Variants in AP1B1 observed in about 807,000 individuals in gnomAD.
AP1B1 encodes AP-1 complex subunit beta-1.
A neutral mutation model predicts 104.3 loss-of-function variants in AP1B1; 36 were observed. That is an observed-to-expected ratio of 0.35 (90% CI 0.26 to 0.46). The LOEUF is 0.46. Among genes scored for constraint, AP1B1 ranks in the 20% least tolerant of loss-of-function variants. The pLI is 1.00. For missense variants in AP1B1, 901 were observed against 1,247.9 expected, an observed-to-expected ratio of 0.72 and a Z score of 4.19; for synonymous variants, 504 against 517.5, an observed-to-expected ratio of 0.97 and a Z score of 0.35.
intron 16 of AP1B1, among the ~76,000 whole-genome samples, chr22:29,337,623 G>C (rs1161422017): frequency 1.3e-5 from 2 of 152,188 alleles, no homozygotes; most frequent in South Asian, 4.1e-4. Flanking sequence ...GTGATGAGGG[G>C]ATCAGGCCTG....
chr22:29,349,221 T>C lies in AP1B1; in HGVS notation c.1434A>G (p.Thr478=), dbSNP rs759101019. 6.2e-7 allele frequency: 1 copy of C among 1,612,618 alleles called. No individual in the cohort carries two copies. Among genetic ancestry groups the C allele is most frequent in the African/African-American group, 1.3e-5 (1 of 74,942 alleles). Residue 478 remains threonine, a synonymous_variant, in exon 11 of 23, where the codon ACA becomes ACG. Coordinates refer to ENST00000357586, the MANE Select transcript of AP1B1 (RefSeq NM_001127.4). ...SFLEGFHDES[T]QVQLQLLTAI... is the part of the protein sequence containing the mutation. ...CCTGGCCAGCTCGCTGGCTCACCTG[T>C]GTGCTCTCGTCATGGAAGCCCTCGA...
At chr22:29,365,799 T>G (rs1315930011) in intron 2 of AP1B1, among the ~76,000 whole-genome samples, 1 of 151,210 alleles carries the variant, frequency 6.6e-6, no homozygotes, top group African/African-American at 2.4e-5. Context: ...CACTCACTCC[T>G]TCCCCTTCCT....
At chr22:29,378,072 T>C (rs987748459) in intron 1 of AP1B1, among the ~76,000 whole-genome samples, 22 of 151,994 alleles carry the variant, frequency 1.4e-4, no homozygotes, top group African/African-American at 5.1e-4. Context: ...GGGTAAAGGG[T>C]ATGTGAAATG....
chr22:29,331,866 G>T lies in AP1B1; in HGVS notation c.2360C>A (p.Pro787His), dbSNP rs1486785557. 1.2e-6 allele frequency: 2 copies of T among 1,613,386 alleles called. No homozygotes were observed. Among genetic ancestry groups the T allele is most frequent in the Non-Finnish European group, 1.7e-6 (2 of 1,179,658 alleles). The change falls in exon 18 of 23, where the codon CCC (proline) becomes CAC (histidine). Residue 787 changes from proline (P) to histidine (H), a missense_variant. This residue lies in a region of AP1B1 where 424 missense variants were observed against 494.0 expected (regional missense o/e 0.86). Coordinates refer to ENST00000357586, the MANE Select transcript of AP1B1 (RefSeq NM_001127.4). ...CAGGGAGATCTCCACTGTCTGGTTG[G>T]GGCTGAGTGGCGCGTGGACCTGGAG... ...APLQVHAPLS[P>H]NQTVEISLPL...
intron 1 of AP1B1, among the ~76,000 whole-genome samples, chr22:29,376,401 G>T (rs1369771609): frequency 6.6e-6 from 1 of 152,158 alleles, no homozygotes; most frequent in Non-Finnish European, 1.5e-5. Context: ...GGTGAGATGA[G>T]GCAGAGAAAA....
In AP1B1 at chr22:29,330,407, G is replaced by A. The variant is rs760486493; in HGVS notation, c.2737C>T (p.Arg913Trp). 16 of 1,613,534 alleles carry A rather than the reference G, an allele frequency of 9.9e-6. No homozygotes were observed. Among genetic ancestry groups the A allele is most frequent in the Middle Eastern group, 1.6e-4 (1 of 6,084 alleles). The change falls in exon 21 of 23, where the codon CGG (arginine) becomes TGG (tryptophan). Residue 913 changes from arginine to tryptophan, a missense_variant. Around this residue, in one of 3 missense-constraint regions of AP1B1, gnomAD observed 424 missense variants for 494.0 expected, o/e 0.86. Transcript: ENST00000357586. Reference protein sequence around the residue: ...TNGIWVLAELRIQPGNPSCTD... With the variant: ...TNGIWVLAELWIQPGNPSCTD... ...CAGCTGGGGTTGCCCGGCTGGATCCGCAGCTCCGCCAGCACCCAGATGCCG... is the reference window on the plus strand; with the variant it reads ...CAGCTGGGGTTGCCCGGCTGGATCCACAGCTCCGCCAGCACCCAGATGCCG...
At chr22:29,355,581 C>T (rs773060073) in intron 6 of AP1B1, among the ~76,000 whole-genome samples, 31 of 152,046 alleles carry the variant, frequency 2.0e-4, no homozygotes, top group Non-Finnish European at 3.7e-4. Context: ...TTTATAGAAT[C>T]AAGATGATGA....
intron 2 of AP1B1, among the ~76,000 whole-genome samples, chr22:29,365,815 C>T (rs2062126802): frequency 6.6e-6 from 1 of 151,444 alleles, no homozygotes; most frequent in African/African-American, 2.4e-5. Flanking sequence ...TTCCTATCCC[C>T]CATCGATCTG....
At chr22:29,353,188 G>A (rs1013936509) in intron 7 of AP1B1, among the ~76,000 whole-genome samples, 19 of 152,142 alleles carry the variant, frequency 1.2e-4, no homozygotes, top group African/African-American at 3.9e-4. Flanking sequence ...GAAAAGATAC[G>A]AGGACAGATG....
At chr22:29,335,762 G>C (rs578195509) in intron 16 of AP1B1, among the ~76,000 whole-genome samples, 1 of 152,280 alleles carries the variant, frequency 6.6e-6, no homozygotes, top group East Asian at 1.9e-4. Context: ...CCTCACACTG[G>C]CTGTTCCCTC....
In AP1B1 at chr22:29,369,395, G is replaced by A. The variant is rs941966175; in HGVS notation, c.-27-2125C>T. On this transcript the variant is annotated intron_variant, in intron 1 of 22. Transcript: ENST00000357586. ...CCTTAAATCCTTTGTGGATCCTGAA[G>A]GAATAAAGGAATAAAGGCTTCACTG... is the stretch of plus-strand genomic sequence containing the variant. Among the ~76,000 whole-genome samples the A allele has an allele frequency of 2.0e-5, 3 of 149,220 alleles. No individual in the cohort carries two copies. In the South Asian group the frequency reaches 6.2e-4, roughly 31 times the overall value.
At chr22:29,329,792 C>T (rs375989593) in intron 21 of AP1B1, 72 bp from the exon 22 acceptor site, 24 of 1,603,494 alleles carry the variant, frequency 1.5e-5, no homozygotes, top group Middle Eastern at 1.7e-4. Context: ...TTACCACCAC[C>T]GAAGCCACGC....
chr22:29,368,746 A>G (rs2062183122), intron 1 of AP1B1, among the ~76,000 whole-genome samples: 1 of 148,842 alleles, frequency 6.7e-6, no homozygotes, highest in African/African-American at 2.5e-5. Flanking sequence ...TAGTGGCTAA[A>G]GGATTCAGTC....
At chr22:29,337,901 T>G (rs1356859095) in intron 16 of AP1B1, among the ~76,000 whole-genome samples, 2 of 152,226 alleles carry the variant, frequency 1.3e-5, no homozygotes, top group Non-Finnish European at 2.9e-5. Context: ...GACGCAGCCA[T>G]CTTTCTCAAG....
chr22:29,371,592 G>A (rs1340741558), intron 1 of AP1B1, among the ~76,000 whole-genome samples: 1 of 152,166 alleles, frequency 6.6e-6, no homozygotes, highest in Non-Finnish European at 1.5e-5. Context: ...TTAGCCGGGT[G>A]TGGTGGCACG....
At chr22:29,349,048 T>G (rs1253497963) in intron 11 of AP1B1, among the ~76,000 whole-genome samples, 170 bp downstream of exon 11, 1 of 152,224 alleles carries the variant, frequency 6.6e-6, no homozygotes, top group Non-Finnish European at 1.5e-5. Context: ...CCGACTCGAC[T>G]GTACTGCAGT....
chr22:29,340,733 C>G lies in AP1B1; in HGVS notation c.1921G>C (p.Val641Leu). 1 of 1,595,044 alleles carries G rather than the reference C, an allele frequency of 6.3e-7. No homozygotes were observed. Among genetic ancestry groups the G allele is most frequent in the South Asian group, 1.1e-5 (1 of 87,344 alleles). ...DLLNLDLGPP[V>L]SGPPLATSSV... ...GAGGTGGCCAGGGGTGGGCCGCTCACTGGGGGGCCGAGGTCCAGGTTGAGG... is the reference window on the plus strand; with the variant it reads ...GAGGTGGCCAGGGGTGGGCCGCTCAGTGGGGGGCCGAGGTCCAGGTTGAGG... The change falls in exon 14 of 23, where the codon GTG becomes CTG. Residue 641 changes from valine to leucine, a missense_variant. Val to Leu is a conservative substitution (Grantham distance 32). Coordinates refer to ENST00000357586, the MANE Select transcript of AP1B1 (RefSeq NM_001127.4).
Position 29,328,853 on chromosome 22 carries a change from A to AC in AP1B1, c.2817dup (p.Tyr940ValfsTer55). 1 of 1,609,370 alleles carries AC rather than the reference A, an allele frequency of 6.2e-7. No homozygotes were observed. Among genetic ancestry groups the AC allele is most frequent in the Non-Finnish European group, 8.5e-7 (1 of 1,179,128 alleles). On this transcript the variant is annotated frameshift_variant, in exon 23 of 23. Transcript: ENST00000357586. LOFTEE classifies it high-confidence loss of function. The surrounding 1 kb of genome is among the most constrained non-coding windows in gnomAD (Gnocchi z 4.1). ...TTGAGGATGGTCTCGTAGGCCTGGTACACGTGCTGGGACACCTCTGGTGCT... is the reference window on the plus strand; with the variant it reads ...TTGAGGATGGTCTCGTAGGCCTGGTACCACGTGCTGGGACACCTCTGGTGCT...
At chr22:29,345,151 C>G (rs189177003) in intron 11 of AP1B1, among the ~76,000 whole-genome samples, 4 of 151,446 alleles carry the variant, frequency 2.6e-5, no homozygotes, top group African/African-American at 9.7e-5. Context: ...CTCAACTTCC[C>G]AGGCTCAAGC....
Sources: gnomAD v4.1 joint callset for allele counts (sites outside exome capture counted in the v4.1 genomes callset) on GRCh38, gnomAD v4.1.1 for gene constraint, gnomAD v4.1.1 regional missense constraint, Gnocchi (gnomAD v3.1) non-coding constraint, MANE v1.5 for transcripts, NCBI Gene and HGNC (gene_info 2026-07-23, HGNC 2026-07-21) for gene names.